GRIP1: variants seen among roughly 807,000 people sequenced by gnomAD.
GRIP1 encodes glutamate receptor interacting protein 1.
In GRIP1, 45 loss-of-function variants were observed where a neutral mutation model predicts 129.9. The observed-to-expected ratio is 0.35, with a 90% CI of 0.27 to 0.44. The LOEUF is 0.44. Ranked by LOEUF, GRIP1 falls within the 20% of genes least tolerant of loss-of-function variation. GRIP1 has a pLI of 1.00. For synonymous variants in GRIP1, 530 were observed against 520.8 expected, an observed-to-expected ratio of 1.02 and a Z score of -0.24; for missense variants, 1,196 against 1,396.8, an observed-to-expected ratio of 0.86 and a Z score of 2.29.
At chr12:66,513,985 C>T (rs1431725271) in intron 7 of GRIP1, among the ~76,000 whole-genome samples, 1 of 152,138 alleles carries the variant, frequency 6.6e-6, no homozygotes, top group East Asian at 1.9e-4. Context: ...CCTTCTAAGC[C>T]TTTGGGTTTT....
At chr12:66,577,205 G>A (rs1024463475) in intron 2 of GRIP1, among the ~76,000 whole-genome samples, 1 of 152,220 alleles carries the variant, frequency 6.6e-6, no homozygotes, top group African/African-American at 2.4e-5. Flanking sequence ...GTATCTGAAT[G>A]ACTGACTTTG....
chr12:66,612,827 C>T (rs1358411374), intron 1 of GRIP1, among the ~76,000 whole-genome samples: 1 of 151,962 alleles, frequency 6.6e-6, no homozygotes, highest in Non-Finnish European at 1.5e-5. Context: ...TCCATGGACC[C>T]CTAGGGAATT....
Position 66,843,613 on chromosome 12 carries a change from G to A in GRIP1, c.58+225437C>T, listed in dbSNP as rs574006954. 9.3e-4 allele frequency among the ~76,000 whole-genome samples: 142 copies of A among 152,014 alleles called. 1 individual carries two copies. Among genetic ancestry groups the A allele is most frequent in the Admixed American group, 2.7e-3 (41 of 15,266 alleles). On this transcript the variant is annotated intron_variant, in intron 1 of 1. Transcript: ENST00000643019. ...GTGCTAGCATAAAGAAAGACACAGA[G>A]GCCAATAAAACAGAATAAGGAATGC...
chr12:66,362,445 G>A (rs1016899418), intron 23 of GRIP1, among the ~76,000 whole-genome samples: 8 of 151,766 alleles, frequency 5.3e-5, no homozygotes, highest in Non-Finnish European at 8.8e-5. Context: ...AAGTCACCGC[G>A]CCCAGCCTTC....
At chr12:66,871,345 C>T (rs535061078) in intron 1 of GRIP1, among the ~76,000 whole-genome samples, 28 of 152,156 alleles carry the variant, frequency 1.8e-4, no homozygotes, top group East Asian at 1.4e-3. Context: ...TAGAACAGCA[C>T]GAATAGCAAG....
chr12:66,497,274 G>A (rs772541833), intron 7 of GRIP1, among the ~76,000 whole-genome samples: 3 of 152,178 alleles, frequency 2.0e-5, no homozygotes, highest in Admixed American at 6.5e-5. Flanking sequence ...AGGGCTCCCT[G>A]GGGGAGTAAA....
At chr12:66,914,534 G>C (rs573297408) in intron 1 of GRIP1, among the ~76,000 whole-genome samples, 1 of 152,262 alleles carries the variant, frequency 6.6e-6, no homozygotes, top group South Asian at 2.1e-4. Context: ...GCCATTCCTA[G>C]TATGTTAGTT....
intron 1 of GRIP1, among the ~76,000 whole-genome samples, chr12:66,740,800 G>C (rs2036764723): frequency 6.6e-6 from 1 of 151,910 alleles, no homozygotes. Flanking sequence ...GAAAAATTAG[G>C]CTTGGAGAGA....
At chr12:67,067,286 G>A (rs773355587) in intron 1 of GRIP1, among the ~76,000 whole-genome samples, 1 of 151,848 alleles carries the variant, frequency 6.6e-6, no homozygotes, top group Non-Finnish European at 1.5e-5. Flanking sequence ...AGTACATTTC[G>A]TGACAATCCA....
chr12:66,928,082 T>C (rs927621753), intron 1 of GRIP1, among the ~76,000 whole-genome samples: 3 of 152,256 alleles, frequency 2.0e-5, no homozygotes, highest in African/African-American at 7.2e-5. Flanking sequence ...AGCAAGGCAC[T>C]GTCTGCGCTC....
intron 1 of GRIP1, among the ~76,000 whole-genome samples, chr12:66,946,975 C>T (rs1037525266): frequency 2.2e-4 from 33 of 150,972 alleles, no homozygotes; most frequent in African/African-American, 7.6e-4. Flanking sequence ...CCCCAGGAGG[C>T]GGAGGTTGTG....
In GRIP1 at chr12:66,947,881, C is replaced by A. The variant is rs1358661990; in HGVS notation, c.58+121169G>T. On this transcript the variant is annotated intron_variant, in intron 1 of 1. Coordinates refer to the GRIP1 transcript ENST00000643019. Reference sequence around the variant, plus strand: ...AACATTTGCAGCTGAAATGAAGGAACCATCTTCATGTTCCAGGGCATGAAG... The same window carrying A: ...AACATTTGCAGCTGAAATGAAGGAAACATCTTCATGTTCCAGGGCATGAAG... 2.0e-5 allele frequency among the ~76,000 whole-genome samples: 3 copies of A among 152,212 alleles called. No individual in the cohort carries two copies. In the East Asian group the frequency reaches 5.8e-4, roughly 29 times the overall value.
chr12:67,057,799 A>G (rs1255477816), intron 1 of GRIP1, among the ~76,000 whole-genome samples: 1 of 152,246 alleles, frequency 6.6e-6, no homozygotes, highest in Non-Finnish European at 1.5e-5. Flanking sequence ...CATAACTAAA[A>G]TTACAGGGAG....
chr12:66,535,163 A>G (rs555902292), intron 4 of GRIP1, among the ~76,000 whole-genome samples: 129 of 152,254 alleles, frequency 8.5e-4, no homozygotes, highest in African/African-American at 3.0e-3. Flanking sequence ...ACACTGGACA[A>G]ATCTTCACTA....
chr12:66,643,414 T>G (rs1565936047), intron 1 of GRIP1, among the ~76,000 whole-genome samples: 1 of 152,244 alleles, frequency 6.6e-6, no homozygotes, highest in Non-Finnish European at 1.5e-5. Flanking sequence ...ATCAAACTAT[T>G]TTAATGACAT....
intron 1 of GRIP1, among the ~76,000 whole-genome samples, chr12:66,597,185 C>T (rs993838269): frequency 2.0e-5 from 3 of 151,914 alleles, no homozygotes; most frequent in Admixed American, 1.3e-4. Flanking sequence ...CTATAGTGCT[C>T]GTGAAGATAT....
intron 2 of GRIP1, among the ~76,000 whole-genome samples, chr12:66,555,465 C>G (rs1013786776): frequency 3.9e-5 from 6 of 152,178 alleles, no homozygotes; most frequent in African/African-American, 1.4e-4. Context: ...CAAGCCCAGA[C>G]TGCGACGACT....
intron 9 of GRIP1, among the ~76,000 whole-genome samples, chr12:66,458,158 C>G (rs1388989862): frequency 2.0e-5 from 3 of 152,288 alleles, no homozygotes; most frequent in East Asian, 1.9e-4. Context: ...TTTTGTTACC[C>G]TAAACCATCT....
chr12:66,956,280 G>A (rs2041839923), intron 1 of GRIP1, among the ~76,000 whole-genome samples: 1 of 152,124 alleles, frequency 6.6e-6, no homozygotes, highest in Admixed American at 6.5e-5. Context: ...TATTCCACTG[G>A]AGGTCCCTCG....
Sources: allele counts gnomAD v4.1 joint callset (sites outside exome capture counted in the v4.1 genomes callset), GRCh38; gene constraint gnomAD v4.1.1; transcripts MANE v1.5; gene names NCBI Gene and HGNC (gene_info 2026-07-23, HGNC 2026-07-21).